Variants in NUBPL observed in about 807,000 individuals in gnomAD.
NUBPL encodes the protein NUBP iron-sulfur cluster assembly factor, mitochondrial.
A neutral mutation model predicts 45.7 loss-of-function variants in NUBPL; 31 were observed. That is an observed-to-expected ratio of 0.68 (90% CI 0.51 to 0.92). NUBPL has a LOEUF of 0.92. Among genes scored for constraint, NUBPL ranks in the 40% least tolerant of loss-of-function variants. NUBPL has a pLI of 0.00. For missense variants in NUBPL, 401 were observed against 398.7 expected, an observed-to-expected ratio of 1.01 and a Z score of -0.05; for synonymous variants, 144 against 140.9, an observed-to-expected ratio of 1.02 and a Z score of -0.15.
chr14:31,607,244 G>A (rs540476249), intron 4 of NUBPL, among the ~76,000 whole-genome samples: 5 of 152,050 alleles, frequency 3.3e-5, no homozygotes, highest in Admixed American at 2.6e-4. Context: ...TTGGCTGGGC[G>A]TGGTGGTGTA....
intron 3 of NUBPL, among the ~76,000 whole-genome samples, chr14:31,595,197 A>T (rs1281383526): frequency 6.6e-6 from 1 of 152,216 alleles, no homozygotes; most frequent in Non-Finnish European, 1.5e-5. Flanking sequence ...TAATTCTGCC[A>T]CCTTTTACAA....
intron 2 of NUBPL, chr14:31,562,756 C>G (rs1469566446): frequency 6.6e-6 from 1 of 152,214 alleles, no homozygotes; most frequent in Non-Finnish European, 1.5e-5. Flanking sequence ...AGGCGCCCAC[C>G]ACCACGCCCG....
At chr14:31,570,059 C>T (rs559384072) in intron 3 of NUBPL, among the ~76,000 whole-genome samples, 1 of 152,234 alleles carries the variant, frequency 6.6e-6, no homozygotes, top group South Asian at 2.1e-4. Flanking sequence ...CATTTTAGTT[C>T]AGCAAACATT....
chr14:31,615,964 T>C (rs1431681166), intron 4 of NUBPL, among the ~76,000 whole-genome samples: 1 of 152,192 alleles, frequency 6.6e-6, no homozygotes, highest in Non-Finnish European at 1.5e-5. Flanking sequence ...ATCTCGTTTC[T>C]TGACTTTTAA....
rs1041937537 is a variant in NUBPL at position 31,818,350 on chromosome 14, A to G, written c.608-8279A>G. Among the ~76,000 whole-genome samples the G allele has an allele frequency of 5.3e-5, 8 of 152,216 alleles. No individual in the cohort carries two copies. In the South Asian group the frequency reaches 6.2e-4, roughly 12 times the overall value. On this transcript the variant is annotated intron_variant, in intron 7 of 10. Transcript: ENST00000281081. ...ACTCTCCACCCCAAATCAACAGAAT[A>G]TACGTTCTTCTTAGCACCACATCGC...
intron 6 of NUBPL, among the ~76,000 whole-genome samples, chr14:31,734,413 A>T (rs1158662527): frequency 6.6e-6 from 1 of 152,230 alleles, no homozygotes; most frequent in Non-Finnish European, 1.5e-5. Flanking sequence ...ATAGAGAACA[A>T]TCTCTGACTA....
intron 6 of NUBPL, chr14:31,686,837 T>A (rs1358232768): frequency 6.6e-6 from 1 of 152,260 alleles, no homozygotes; most frequent in Non-Finnish European, 1.5e-5. Flanking sequence ...TCAGTATGGC[T>A]GGGCACTGTG....
intron 6 of NUBPL, among the ~76,000 whole-genome samples, chr14:31,688,450 G>A (rs546705307): frequency 2.1e-3 from 314 of 151,992 alleles, no homozygotes; most frequent in Non-Finnish European, 3.4e-3. Context: ...GGTGGTGGGC[G>A]CCTGTAATCC....
At chr14:31,630,278 A>G (rs2035308221) in intron 4 of NUBPL, among the ~76,000 whole-genome samples, 1 of 152,232 alleles carries the variant, frequency 6.6e-6, no homozygotes. Flanking sequence ...ATTTTGGGCA[A>G]GTTGACTTAA....
intron 8 of NUBPL, among the ~76,000 whole-genome samples, chr14:31,830,157 C>T (rs561556194): frequency 6.6e-6 from 1 of 152,256 alleles, no homozygotes; most frequent in South Asian, 2.1e-4. Context: ...TTCTCTTACT[C>T]CTTCGGCACA....
intron 6 of NUBPL, among the ~76,000 whole-genome samples, chr14:31,683,573 G>A (rs1323656467): frequency 1.3e-5 from 2 of 151,692 alleles, no homozygotes; most frequent in African/African-American, 2.4e-5. Flanking sequence ...GGATGGTCTC[G>A]ATCTCCTGAC....
At chr14:31,692,825 C>T (rs910102296) in intron 6 of NUBPL, among the ~76,000 whole-genome samples, 14 of 152,300 alleles carry the variant, frequency 9.2e-5, no homozygotes, top group Non-Finnish European at 1.5e-4. Context: ...CCCCTAAGTA[C>T]CTCTCATGGG....
chr14:31,618,184 G>A (rs1024477182), intron 4 of NUBPL, among the ~76,000 whole-genome samples: 4 of 151,804 alleles, frequency 2.6e-5, no homozygotes, highest in East Asian at 1.9e-4. Flanking sequence ...TATTAGTCTG[G>A]CTAGCAGTCT....
At chr14:31,784,791 A>G (rs1414168008) in intron 6 of NUBPL, among the ~76,000 whole-genome samples, 1 of 152,222 alleles carries the variant, frequency 6.6e-6, no homozygotes, top group Non-Finnish European at 1.5e-5. Flanking sequence ...TGTTTGGGAA[A>G]TTAGGATTCC....
At chr14:31,842,206 A>G (rs2040388090) in intron 8 of NUBPL, among the ~76,000 whole-genome samples, 2 of 151,816 alleles carry the variant, frequency 1.3e-5, no homozygotes, top group Admixed American at 1.3e-4. Flanking sequence ...GATTACAAGC[A>G]TAAGCCACCA....
intron 7 of NUBPL, among the ~76,000 whole-genome samples, chr14:31,798,204 C>G (rs2039502338): frequency 6.6e-6 from 1 of 151,106 alleles, no homozygotes; most frequent in Non-Finnish European, 1.5e-5. Context: ...AGTGTTTTTT[C>G]TGTGTATATG....
Position 31,808,546 on chromosome 14 carries a change from C to G in NUBPL, c.608-18083C>G, listed in dbSNP as rs1331571182. 2.6e-5 allele frequency among the ~76,000 whole-genome samples: 4 copies of G among 152,274 alleles called. No homozygotes were observed. The East Asian group carries it at 7.7e-4, about 29-fold the overall frequency. On this transcript the variant is annotated intron_variant, in intron 7 of 10. Coordinates refer to ENST00000281081, the MANE Select transcript of NUBPL (RefSeq NM_025152.3). ...GAGACGATGGGGTTTTCTAGATATA[C>G]AATCATGTCATCTGCAAACAGGGAC...
chr14:31,712,497 C>T (rs1040880567), intron 6 of NUBPL, among the ~76,000 whole-genome samples: 25 of 152,224 alleles, frequency 1.6e-4, no homozygotes, highest in African/African-American at 5.3e-4. Context: ...GCAGCCCTGG[C>T]TCCCACCCAT....
intron 7 of NUBPL, among the ~76,000 whole-genome samples, chr14:31,811,516 G>A (rs969868505): frequency 6.6e-6 from 1 of 152,082 alleles, no homozygotes; most frequent in East Asian, 1.9e-4. Context: ...TTAGCCATTC[G>A]TCTAATCTTT....
Sources: allele counts gnomAD v4.1 joint callset (sites outside exome capture counted in the v4.1 genomes callset), GRCh38; gene constraint gnomAD v4.1.1; transcripts MANE v1.5; gene names NCBI Gene and HGNC (gene_info 2026-07-23, HGNC 2026-07-21).